CADM2: variants seen among roughly 807,000 people sequenced by gnomAD.
CADM2 encodes immunoglobulin superfamily member 4D.
Under a neutral mutation model 49.8 loss-of-function variants are expected in CADM2, and 12 were observed. That is an observed-to-expected ratio of 0.24 (90% CI 0.15 to 0.39). The LOEUF (loss-of-function observed/expected upper bound fraction) is 0.39, where lower values mean the gene tolerates loss of function less well. Ranked by LOEUF, CADM2 falls within the 10% of genes least tolerant of loss-of-function variation. CADM2 has a pLI of 1.00. For missense variants in CADM2, 378 were observed against 492.3 expected (o/e 0.77, Z 2.20); for synonymous variants, 214 against 175.4 (o/e 1.22, Z -1.74).
intron 8 of CADM2, among the ~76,000 whole-genome samples, chr3:86,051,155 G>C (rs1165332883): frequency 6.6e-6 from 1 of 152,148 alleles, no homozygotes; most frequent in Non-Finnish European, 1.5e-5. Flanking sequence ...AATCTTGAAT[G>C]CTCTGCTATT....
chr3:85,157,514 A>G (rs935195928), intron 1 of CADM2, among the ~76,000 whole-genome samples: 1 of 152,172 alleles, frequency 6.6e-6, no homozygotes, highest in Non-Finnish European at 1.5e-5. Context: ...GAAACAGAAC[A>G]GAGCCCTCAG....
At chr3:85,761,908 C>T (rs2069404998) in intron 2 of CADM2, among the ~76,000 whole-genome samples, 1 of 152,094 alleles carries the variant, frequency 6.6e-6, no homozygotes, top group African/African-American at 2.4e-5. Flanking sequence ...GGTCGTCCAA[C>T]AGGTAGGGAA....
chr3:85,410,653 T>G (rs183725156), intron 1 of CADM2, among the ~76,000 whole-genome samples: 2 of 152,322 alleles, frequency 1.3e-5, no homozygotes, highest in East Asian at 1.9e-4. Flanking sequence ...GTTAAACTCC[T>G]TTTAGAGCAG....
rs1315666118 is a variant in CADM2, at chr3:85,347,590, TATATATACATATATATAAAA to T, written c.62-378924_62-378905del. ...ATATAAATATATATACATATATACA[TATATATACATATATATAAAA>T]ATATATATACATATATATAAATATA... On this transcript the variant is annotated intron_variant, in intron 1 of 9. Transcript: ENST00000383699. Among the ~76,000 whole-genome samples, 422 of 140,832 alleles carry T rather than the reference TATATATACATATATATAAAA, an allele frequency of 3.0e-3. 3 individuals are homozygous for T. Among genetic ancestry groups the T allele is most frequent in the Non-Finnish European group, 4.7e-3 (307 of 65,946 alleles). 92.4% of individuals were successfully genotyped at this position (140,832 alleles called of 152,430 possible). A position where few individuals can be genotyped will look rare whatever the true frequency, so the allele number is the denominator to read the frequency against.
intron 1 of CADM2, among the ~76,000 whole-genome samples, chr3:85,603,919 T>C (rs984401048): frequency 6.6e-6 from 1 of 151,940 alleles, no homozygotes; most frequent in African/African-American, 2.4e-5. Flanking sequence ...ATTTTAAAGC[T>C]ATCACTTGGT....
At chr3:85,220,878 A>G (rs75520167) in intron 1 of CADM2, among the ~76,000 whole-genome samples, 14,463 of 152,180 alleles carry the variant, frequency 0.095, 852 homozygotes, top group African/African-American at 0.16. Flanking sequence ...CTGAGTCTAT[A>G]AGGCAAAACA....
chr3:85,968,073 A>C (rs1434950270), intron 8 of CADM2, among the ~76,000 whole-genome samples: 2 of 151,756 alleles, frequency 1.3e-5, no homozygotes, highest in East Asian at 3.9e-4. Flanking sequence ...ACTGAGCAAC[A>C]AACAGTGTGC....
At chr3:85,736,033 G>A (rs1020437622) in intron 2 of CADM2, among the ~76,000 whole-genome samples, 4 of 151,990 alleles carry the variant, frequency 2.6e-5, no homozygotes, top group Non-Finnish European at 4.4e-5. Context: ...TATAGCTAGA[G>A]AAGAAAGCAA....
chr3:85,764,827 C>T (rs1401882105), intron 2 of CADM2, among the ~76,000 whole-genome samples: 2 of 152,004 alleles, frequency 1.3e-5, no homozygotes, highest in African/African-American at 4.8e-5. Flanking sequence ...TTTATGTTCT[C>T]AACAGAGTTG....
chr3:85,781,371 C>A (rs2070641330), intron 2 of CADM2, among the ~76,000 whole-genome samples: 1 of 152,034 alleles, frequency 6.6e-6, no homozygotes, highest in South Asian at 2.1e-4. Context: ...ACTCTCTTTC[C>A]TTCCTTTAGG....
intron 1 of CADM2, among the ~76,000 whole-genome samples, chr3:85,665,615 G>A (rs1370690387): frequency 2.0e-5 from 3 of 151,924 alleles, no homozygotes; most frequent in Non-Finnish European, 4.4e-5. Context: ...TTTCCTGAGT[G>A]TTTTTATTCC....
intron 1 of CADM2, among the ~76,000 whole-genome samples, chr3:85,653,221 A>T (rs138802885): frequency 6.6e-6 from 1 of 150,934 alleles, no homozygotes; most frequent in African/African-American, 2.4e-5. Flanking sequence ...GGATAATTAC[A>T]TAAGTTGCTG....
intron 3 of CADM2, among the ~76,000 whole-genome samples, chr3:85,808,678 G>T (rs1325972994): frequency 6.6e-6 from 1 of 151,932 alleles, no homozygotes; most frequent in Non-Finnish European, 1.5e-5. Flanking sequence ...TAAAATACAT[G>T]ACTTTTTTGT....
chr3:85,939,556 G>GC (rs1553710518), intron 7 of CADM2, among the ~76,000 whole-genome samples: 2 of 150,650 alleles, frequency 1.3e-5, no homozygotes, highest in Non-Finnish European at 2.9e-5. Flanking sequence ...GTGTGAGGTT[G>GC]CCCCCAACAC....
At chr3:85,157,013 G>A (rs371865393) in intron 1 of CADM2, among the ~76,000 whole-genome samples, 8,604 of 151,806 alleles carry the variant, frequency 0.057, 813 homozygotes, top group African/African-American at 0.2. Flanking sequence ...AAATCAATGT[G>A]CAAAAATCGC....
chr3:85,563,035 T>C (rs1576810896), intron 1 of CADM2, among the ~76,000 whole-genome samples: 1 of 152,182 alleles, frequency 6.6e-6, no homozygotes, highest in East Asian at 1.9e-4. Context: ...AGTTTATAAA[T>C]TGAAACTGAT....
At chr3:85,737,742 G>A (rs1198964935) in intron 2 of CADM2, among the ~76,000 whole-genome samples, 2 of 151,538 alleles carry the variant, frequency 1.3e-5, no homozygotes, top group Non-Finnish European at 2.9e-5. Flanking sequence ...GTATTTTTAG[G>A]AGAGACGGGG....
intron 1 of CADM2, among the ~76,000 whole-genome samples, chr3:85,063,596 A>AAT (rs2036416192): frequency 6.6e-6 from 1 of 152,036 alleles, no homozygotes. Flanking sequence ...AAAGACAACT[A>AAT]ATAGAAGGTA....
intron 1 of CADM2, among the ~76,000 whole-genome samples, chr3:85,108,440 A>G (rs1271299528): frequency 2.6e-5 from 4 of 152,144 alleles, no homozygotes; most frequent in Admixed American, 2.0e-4. Context: ...AATAAGCCAT[A>G]AAAAGACAAC....
Sources: gnomAD v4.1 joint callset for allele counts (sites outside exome capture counted in the v4.1 genomes callset) on GRCh38, gnomAD v4.1.1 for gene constraint, MANE v1.5 for transcripts, NCBI Gene and HGNC (gene_info 2026-07-23, HGNC 2026-07-21) for gene names.